The following HAP1 variants were observed in gnomAD, a reference collection of about 807,000 sequenced individuals.
HAP1 encodes the protein huntingtin associated protein 1.
HAP1 carries 59 observed loss-of-function variants against 60.3 expected under a neutral mutation model. The observed-to-expected ratio is 0.98, with a 90% CI of 0.79 to 1.22. The LOEUF is 1.22. Ranked by LOEUF, HAP1 falls within the 50% of genes most tolerant of loss-of-function variation. The probability of loss-of-function intolerance (pLI) is 0.00; values close to 1 mark genes in which losing one functional copy is unlikely to be tolerated. For synonymous variants in HAP1, 346 were observed against 330.6 expected, an observed-to-expected ratio of 1.05 and a Z score of -0.50; for missense variants, 825 against 785.3, an observed-to-expected ratio of 1.05 and a Z score of -0.60.
At position 41,734,194 on chromosome 17, in the gene HAP1, G is replaced by C. The variant is rs782774087; in HGVS notation, c.441C>G (p.Arg147=). 6.9e-6 allele frequency: 11 copies of C among 1,586,860 alleles called. No homozygotes were observed. Among genetic ancestry groups the C allele is most frequent in the Non-Finnish European group, 9.5e-6 (11 of 1,160,752 alleles). Reference sequence around the variant, plus strand: ...CCTCCAGCTCCCGAATAAAGGCGGCGCGCTCAGGGCCGGACACCCCGGGTC... The same window carrying C: ...CCTCCAGCTCCCGAATAAAGGCGGCCCGCTCAGGGCCGGACACCCCGGGTC... The part of the protein sequence containing the change: ...GRRPGVSGPE[R]AAFIRELEEA... The change falls in exon 1 of 11, where the codon CGC becomes CGG. Residue 147 remains arginine (R), a synonymous_variant. Transcript: ENST00000347901.
intron 1 of HAP1, 150 bp from the exon 2 acceptor site, chr17:41,732,948 C>T (rs895493786): frequency 8.6e-5 from 54 of 629,966 alleles, no homozygotes; most frequent in Admixed American, 4.7e-4. Context: ...CTGCCCCCCA[C>T]ATCCTCCCCT....
intron 6 of HAP1, among the ~76,000 whole-genome samples, chr17:41,731,216 C>T (rs958842449): frequency 1.3e-5 from 2 of 152,138 alleles, no homozygotes; most frequent in Non-Finnish European, 2.9e-5. Flanking sequence ...TGGCCTGAGA[C>T]CCACAATTTC....
At chr17:41,718,787 T>C (rs1271620744), downstream of HAP1, among the ~76,000 whole-genome samples, 1 of 152,150 alleles carries the variant, frequency 6.6e-6, no homozygotes, top group Non-Finnish European at 1.5e-5. Flanking sequence ...AGCAGATGTG[T>C]CCTTCCGTTG....
Position 41,723,603 on chromosome 17 carries a change from G to A in HAP1, c.*1098C>T, listed in dbSNP as rs1362016157. ...ACCACAGGCCTGGCCTGGGCGGTGG[G>A]CAGGGGTCTGATCAACTGTATCAGA... On this transcript the variant is annotated 3_prime_UTR_variant, in exon 11 of 11. Transcript: ENST00000347901. 3 of 152,748 alleles carry A rather than the reference G, an allele frequency of 2.0e-5. No individual in the cohort carries two copies. The highest frequency in any genetic ancestry group is 6.5e-5 in the Admixed American group (1 of 15,290). 9.5% of individuals were successfully genotyped at this position (152,748 alleles called of 1,614,324 possible).
chr17:41,733,691 G>A (rs2143270309), intron 1 of HAP1, among the ~76,000 whole-genome samples: 1 of 152,130 alleles, frequency 6.6e-6, no homozygotes, highest in South Asian at 2.1e-4. Flanking sequence ...GAGAGACAAG[G>A]GGCAGGAAAA....
At position 41,724,980 on chromosome 17, in the gene HAP1, C is replaced by T; in HGVS notation, c.1581G>A (p.Met527Ile). The stretch of plus-strand genomic sequence containing the variant: ...CCTCTGACACCAGCTCTGCCTCTTC[C>T]ATCACCCCTTCCTCAGCCGGCACCT... ...AKKVPAEEGV[M>I]EEAELVSEET... The change falls in exon 11 of 11, where the codon ATG becomes ATA. Residue 527 changes from methionine to isoleucine, a missense_variant. Physicochemically the swap from Met to Ile is conservative, Grantham distance 10. Transcript: ENST00000347901. 6.2e-7 allele frequency: 1 copy of T among 1,612,728 alleles called. No homozygotes were observed. Among genetic ancestry groups the T allele is most frequent in the Non-Finnish European group, 8.5e-7 (1 of 1,179,980 alleles).
At chr17:41,730,518 G>T (rs77260602) in intron 6 of HAP1, 12,404 of 152,304 alleles carry the variant, frequency 0.081, 1,675 homozygotes, top group African/African-American at 0.28. Context: ...CAGCCCGAGT[G>T]GGGAGGGGGA....
rs782478310 is a variant in HAP1, at chr17:41,732,324, G to T, written c.620C>A (p.Ala207Glu). 1 of 1,614,056 alleles carries T rather than the reference G, an allele frequency of 6.2e-7. No individual in the cohort carries two copies. Among genetic ancestry groups the T allele is most frequent in the Non-Finnish European group, 8.5e-7 (1 of 1,179,918 alleles). The change falls in exon 3 of 11, where the codon GCA becomes GAA. Residue 207 changes from alanine to glutamate, a missense_variant. Transcript: ENST00000347901. ...CACCAGGGACTGGCCGATGCGAGCT[G>T]CAGTGTTCAGGTCCCTCTCTCTCTG... ...VLQRERDLNT[A>E]ARIGQSLVKQ...
At chr17:41,725,355 C>T (rs1911551152) in intron 10 of HAP1, among the ~76,000 whole-genome samples, 1 of 152,144 alleles carries the variant, frequency 6.6e-6, no homozygotes, top group Non-Finnish European at 1.5e-5. Flanking sequence ...GTCACCAACA[C>T]TGCATAGGCC....
At chr17:41,732,421 A>G (rs782496311) in intron 2 of HAP1, 27 bp from the exon 3 acceptor site, 1 of 1,609,508 alleles carries the variant, frequency 6.2e-7, no homozygotes, top group East Asian at 2.2e-5. Context: ...GGTCAGAGAG[A>G]GGCTAGGCCC....
At chr17:41,717,837 T>C, downstream of HAP1, 1 of 357,908 alleles carries the variant, frequency 2.8e-6, no homozygotes, top group South Asian at 2.1e-5. Flanking sequence ...GTGGCAAGAA[T>C]AGGAGGAACC....
At position 41,724,663 on chromosome 17, in the gene HAP1, G is replaced by A; in HGVS notation, c.*38C>T. Reference sequence around the variant, plus strand: ...GCACAGCAGGTAGAGCCAGGCTGGGGCAGGTGAGCACTCGGGGAGCTTATC... The same window carrying A: ...GCACAGCAGGTAGAGCCAGGCTGGGACAGGTGAGCACTCGGGGAGCTTATC... On this transcript the variant is annotated 3_prime_UTR_variant, in exon 11 of 11. Transcript: ENST00000347901. 1 of 1,463,940 alleles carries A rather than the reference G, an allele frequency of 6.8e-7. No individual in the cohort carries two copies. Among genetic ancestry groups the A allele is most frequent in the Non-Finnish European group, 9.4e-7 (1 of 1,063,362 alleles). 90.7% of individuals were successfully genotyped at this position (1,463,940 alleles called of 1,614,324 possible). A position where few individuals can be genotyped will look rare whatever the true frequency, so the allele number is the denominator to read the frequency against.
intron 6 of HAP1, among the ~76,000 whole-genome samples, chr17:41,729,779 G>A (rs1251365811): frequency 6.7e-6 from 1 of 149,274 alleles, no homozygotes; most frequent in African/African-American, 2.5e-5. Context: ...AGGAGGCTGA[G>A]GCAGGAGAAT....
In HAP1 at chr17:41,728,211, C is replaced by T. The variant is rs781794706; in HGVS notation, c.1190G>A (p.Arg397His). The T allele has an allele frequency of 4.3e-6, 7 of 1,611,958 alleles. No homozygotes were observed. The South Asian group carries it at 4.4e-5, about 10-fold the overall frequency. ...ACACACCCGACTCACCATCCGGCAG[C>T]GCTGCTGCAGCTTCAGCACCTGGGC... ...LQAQVLKLQQ[R>H]CRMYGAETEK... is the part of the protein sequence containing the mutation. Residue 397 changes from arginine to histidine, a missense_variant, in exon 7 of 11, where the codon CGC (arginine) becomes CAC (histidine). Arg to His is a conservative substitution (Grantham distance 29, BLOSUM62 0). Coordinates refer to ENST00000347901, the MANE Select transcript of HAP1 (RefSeq NM_177977.3).
At position 41,734,199 on chromosome 17, in the gene HAP1, C is replaced by G; in HGVS notation, c.436G>C (p.Glu146Gln). ...AGCTCCCGAATAAAGGCGGCGCGCT[C>G]AGGGCCGGACACCCCGGGTCGCCGG... ...VGRRPGVSGP[E>Q]RAAFIRELEE... Residue 146 changes from glutamate to glutamine, a missense_variant, in exon 1 of 11, where the codon GAG becomes CAG. Transcript: ENST00000347901. The G allele has an allele frequency of 6.3e-7, 1 of 1,590,996 alleles. No individual in the cohort carries two copies. Among genetic ancestry groups the G allele is most frequent in the Non-Finnish European group, 8.6e-7 (1 of 1,163,254 alleles).
At chr17:41,729,549 C>CAAAAAAAAAAAAAAAAAAA (rs1162563636) in intron 6 of HAP1, among the ~76,000 whole-genome samples, 1 of 63,108 alleles carries the variant, frequency 1.6e-5, no homozygotes, top group Non-Finnish European at 2.9e-5. Context: ...GCCTCCTTCT[C>CAAAAAAAAAAAAAAAAAAA]AAAAAAAAAA....
chr17:41,727,084 T>C lies in HAP1; in HGVS notation c.1336A>G (p.Met446Val). 1.3e-6 allele frequency: 2 copies of C among 1,583,458 alleles called. No homozygotes were observed. The highest frequency in any genetic ancestry group is 1.7e-6 in the Non-Finnish European group (2 of 1,159,278). ...ATAAAATACACAGGGTCTGAGATCATCCTCCTTAGAGACGTTCTGAGCTCC... is the reference window on the plus strand; with the variant it reads ...ATAAAATACACAGGGTCTGAGATCACCCTCCTTAGAGACGTTCTGAGCTCC... ...AEELRTSLRRMISDPVYFMER... is the reference protein window; with the variant it reads ...AEELRTSLRRVISDPVYFMER... The change falls in exon 9 of 11, where the codon ATG (methionine) becomes GTG (valine). Residue 446 changes from methionine to valine, a missense_variant. Physicochemically the swap from Met to Val is conservative, Grantham distance 21. Transcript: ENST00000347901.
Position 41,727,107 on chromosome 17 carries a change from T to C in HAP1, c.1313A>G (p.Glu438Gly), listed in dbSNP as rs1555589051. The C allele has an allele frequency of 6.3e-7, 1 of 1,595,518 alleles. No homozygotes were observed. The highest frequency in any genetic ancestry group is 1.1e-5 in the South Asian group (1 of 89,726). Residue 438 changes from glutamate to glycine, a missense_variant, in exon 9 of 11, where the codon GAG becomes GGG. By Grantham distance (98) the Glu-to-Gly change is moderately conservative (BLOSUM62 -2). Transcript: ENST00000347901. ...LPGFQETLAE[E>G]LRTSLRRMIS... Reference sequence around the variant, plus strand: ...CATCCTCCTTAGAGACGTTCTGAGCTCCTCAGCCAGCGTCTCCTGGAAACC... The same window carrying C: ...CATCCTCCTTAGAGACGTTCTGAGCCCCTCAGCCAGCGTCTCCTGGAAACC...
Position 41,724,368 on chromosome 17 carries a change from G to T in HAP1, c.*333C>A. 1 of 175,536 alleles carries T rather than the reference G, an allele frequency of 5.7e-6. No homozygotes were observed. The highest frequency in any genetic ancestry group is 1.2e-5 in the Non-Finnish European group (1 of 81,118). The allele number at this position is 175,536 out of a possible 1,614,324, so 10.9% of individuals were successfully genotyped here. A position where few individuals can be genotyped will look rare whatever the true frequency, so the allele number is the denominator to read the frequency against. ...ACCGCCCCCCGTGTTTGTTTTGACT[G>T]CTGCTGCCACTGCTGCAGAGTTGGA... On this transcript the variant is annotated 3_prime_UTR_variant, in exon 11 of 11. Coordinates refer to ENST00000347901, the MANE Select transcript of HAP1 (RefSeq NM_177977.3).
Sources: allele counts gnomAD v4.1 joint callset (sites outside exome capture counted in the v4.1 genomes callset), GRCh38; gene constraint gnomAD v4.1.1; transcripts MANE v1.5; gene names NCBI Gene and HGNC (gene_info 2026-07-23, HGNC 2026-07-21).